Variants in SAP30BP observed in about 807,000 individuals in gnomAD.
SAP30BP encodes SAP30 binding protein.
A neutral mutation model predicts 46.3 loss-of-function variants in SAP30BP; 31 were observed. That is an observed-to-expected ratio of 0.67 (90% CI 0.50 to 0.90). The LOEUF (loss-of-function observed/expected upper bound fraction) is 0.90. Ranked by LOEUF, SAP30BP falls within the 40% of genes least tolerant of loss-of-function variation. The pLI, the probability that SAP30BP is intolerant of heterozygous loss-of-function variation, is 0.00. For synonymous variants in SAP30BP, 169 were observed against 144.2 expected (o/e 1.17, Z -1.23); for missense variants, 312 against 391.0 (o/e 0.80, Z 1.70).
intron 5 of SAP30BP, 31 bp downstream of exon 5, chr17:75,699,902 A>C: frequency 1.4e-6 from 2 of 1,465,494 alleles, no homozygotes; most frequent in Non-Finnish European, 1.9e-6. Flanking sequence ...CTGAGGTCGG[A>C]TAGATTAGAT....
chr17:75,706,408 C>T lies in SAP30BP; in HGVS notation c.814C>T (p.Leu272Phe). ...PVTTIAQPTI[L>F]TTTATLPAVV... is the part of the protein sequence containing the mutation. ...GACAACGATAGCCCAGCCCACCATC[C>T]TCACCACCACAGCCACCCTGCCAGC... is the stretch of plus-strand genomic sequence containing the variant. The change falls in exon 11 of 11, where the codon CTC (leucine) becomes TTC (phenylalanine). Residue 272 changes from leucine to phenylalanine, a missense_variant. Leu to Phe is a conservative substitution (Grantham distance 22). Coordinates refer to ENST00000584667, the MANE Select transcript of SAP30BP (RefSeq NM_013260.8). The surrounding 1 kb of genome is among the most constrained non-coding windows in gnomAD (Gnocchi z 4.6). 1 of 1,614,186 alleles carries T rather than the reference C, an allele frequency of 6.2e-7. No homozygotes were observed. The highest frequency in any genetic ancestry group is 1.1e-5 in the South Asian group (1 of 91,084).
chr17:75,692,548 A>G, intron 3 of SAP30BP: 1 of 980,012 alleles, frequency 1.0e-6, no homozygotes, highest in African/African-American at 1.7e-5. Flanking sequence ...GCCATTTTAC[A>G]CTTGAGACAA....
rs13380843 is a variant in SAP30BP at position 75,704,818 on chromosome 17, A to G, written c.660+4A>G. On this transcript the variant is annotated splice_donor_region_variant and intron_variant, in intron 9 of 10. Coordinates refer to ENST00000584667, the MANE Select transcript of SAP30BP (RefSeq NM_013260.8). Reference sequence around the variant, plus strand: ...GGCCAAAAAGGAGCGAACAAAAGTAAGTGATGGCAGACCTCCTAGATGAAA... The same window carrying G: ...GGCCAAAAAGGAGCGAACAAAAGTAGGTGATGGCAGACCTCCTAGATGAAA... 1 of 1,611,278 alleles carries G rather than the reference A, an allele frequency of 6.2e-7. No individual in the cohort carries two copies. Among genetic ancestry groups the G allele is most frequent in the Non-Finnish European group, 8.5e-7 (1 of 1,177,636 alleles).
In SAP30BP at chr17:75,678,898, A is replaced by G. The variant is rs577253727; in HGVS notation, c.264+7035A>G. Among the ~76,000 whole-genome samples, 321 of 152,246 alleles carry G rather than the reference A, an allele frequency of 2.1e-3. 1 individual carries two copies. Among genetic ancestry groups the G allele is most frequent in the Non-Finnish European group, 3.4e-3 (231 of 68,018 alleles). ...GAATTCCACAGAAGTTTACCTTCAT[A>G]TAACGAAGGACCTTTTGTGATCTCC... is the stretch of plus-strand genomic sequence containing the variant. On this transcript the variant is annotated intron_variant, in intron 3 of 10. Coordinates refer to ENST00000584667, the MANE Select transcript of SAP30BP (RefSeq NM_013260.8).
At chr17:75,688,496 C>T (rs899236924) in intron 3 of SAP30BP, among the ~76,000 whole-genome samples, 2 of 151,932 alleles carry the variant, frequency 1.3e-5, no homozygotes, top group East Asian at 1.9e-4. Context: ...TCTCTGTGCC[C>T]GCTACTCCCG....
At chr17:75,688,280 C>G (rs1004757719) in intron 3 of SAP30BP, among the ~76,000 whole-genome samples, 1 of 152,250 alleles carries the variant, frequency 6.6e-6, no homozygotes, top group African/African-American at 2.4e-5. Flanking sequence ...CTATTGTGCT[C>G]GTGAAGTGAG....
intron 2 of SAP30BP, among the ~76,000 whole-genome samples, chr17:75,669,158 G>T (rs552551284): frequency 2.6e-5 from 4 of 151,744 alleles, no homozygotes; most frequent in Admixed American, 2.6e-4. Flanking sequence ...GTTCACTACA[G>T]TCTTGAACTC....
chr17:75,688,568 G>A (rs1319896983), intron 3 of SAP30BP, among the ~76,000 whole-genome samples: 9 of 152,054 alleles, frequency 5.9e-5, no homozygotes, highest in Admixed American at 2.0e-4. Flanking sequence ...GGCTGCCTTT[G>A]TGGAACTCAA....
chr17:75,689,085 A>G (rs1447023963), intron 3 of SAP30BP, among the ~76,000 whole-genome samples: 6 of 150,562 alleles, frequency 4.0e-5, no homozygotes, highest in Non-Finnish European at 5.9e-5. Flanking sequence ...CGTTTAAACC[A>G]TACTTCCTCT....
At chr17:75,683,200 C>T (rs903826558) in intron 3 of SAP30BP, among the ~76,000 whole-genome samples, 16 of 150,700 alleles carry the variant, frequency 1.1e-4, no homozygotes, top group Admixed American at 2.6e-4. Flanking sequence ...CACACCACCA[C>T]GCCTGGCCAA....
intron 4 of SAP30BP, among the ~76,000 whole-genome samples, chr17:75,693,903 G>A (rs1260378909): frequency 6.6e-6 from 1 of 152,194 alleles, no homozygotes; most frequent in Non-Finnish European, 1.5e-5. Flanking sequence ...CCCCAGGCAG[G>A]AACATGCCTC....
chr17:75,705,636 C>T (rs774117985), intron 9 of SAP30BP: 10 of 1,067,546 alleles, frequency 9.4e-6, no homozygotes, highest in Non-Finnish European at 1.0e-5. Context: ...GTGTCTGCAG[C>T]GCCTGGGGAC....
chr17:75,677,057 A>G (rs920566199), intron 3 of SAP30BP, among the ~76,000 whole-genome samples: 1 of 152,036 alleles, frequency 6.6e-6, no homozygotes, highest in African/African-American at 2.4e-5. Flanking sequence ...TGTATATTCA[A>G]ATGTCAAGAT....
intron 4 of SAP30BP, among the ~76,000 whole-genome samples, chr17:75,698,844 C>T (rs553438854): frequency 6.6e-5 from 10 of 152,340 alleles, no homozygotes; most frequent in African/African-American, 2.4e-4. Flanking sequence ...CCCATCCCCA[C>T]GCCCAGCTGG....
At chr17:75,673,554 A>G (rs1377198185) in intron 3 of SAP30BP, among the ~76,000 whole-genome samples, 2 of 152,190 alleles carry the variant, frequency 1.3e-5, no homozygotes, top group African/African-American at 2.4e-5. Flanking sequence ...GTACAGTTGC[A>G]GCCTTTTCTT....
chr17:75,702,922 C>CT (rs1299403636), intron 6 of SAP30BP: 2 of 309,058 alleles, frequency 6.5e-6, no homozygotes, highest in African/African-American at 2.1e-5. Flanking sequence ...TCTTCCAACT[C>CT]TAAAAAGCTG....
At position 75,706,009 on chromosome 17, in the gene SAP30BP, T is replaced by C; in HGVS notation, c.662T>C (p.Ile221Thr). Residue 221 changes from isoleucine to threonine, a missense_variant and splice_region_variant, in exon 10 of 11, where the codon ATT becomes ACT. This residue lies in a region of SAP30BP where 296 missense variants were observed against 346.6 expected (regional missense o/e 0.85). Transcript: ENST00000584667. This position sits in a 1 kb window ranked among gnomAD's most constrained non-coding sequence, Gnocchi z 4.6. ...ATTCTCTTCCCTCTCCCTCTCCAGATTGAGTTTGTGACGGGCACCAAAAAA... is the reference window on the plus strand; with the variant it reads ...ATTCTCTTCCCTCTCCCTCTCCAGACTGAGTTTGTGACGGGCACCAAAAAA... Reference protein sequence around the residue: ...LEKAKKERTKIEFVTGTKKGT... With the variant: ...LEKAKKERTKTEFVTGTKKGT... 6.2e-7 allele frequency: 1 copy of C among 1,613,152 alleles called. No individual in the cohort carries two copies. The highest frequency in any genetic ancestry group is 8.5e-7 in the Non-Finnish European group (1 of 1,179,856).
At chr17:75,686,994 C>A (rs1365982022) in intron 3 of SAP30BP, among the ~76,000 whole-genome samples, 2 of 152,164 alleles carry the variant, frequency 1.3e-5, no homozygotes, top group African/African-American at 4.8e-5. Flanking sequence ...TCTCAGAAAA[C>A]CTTGTTTTGA....
chr17:75,668,883 A>G (rs984823301), intron 2 of SAP30BP, among the ~76,000 whole-genome samples: 6 of 152,210 alleles, frequency 3.9e-5, no homozygotes, highest in Admixed American at 3.3e-4. Context: ...CCAGATATCA[A>G]TGGGTGTTTT....
Sources: allele counts gnomAD v4.1 joint callset (sites outside exome capture counted in the v4.1 genomes callset), GRCh38; gene constraint gnomAD v4.1.1; regional missense constraint gnomAD v4.1.1; non-coding constraint Gnocchi (gnomAD v3.1); transcripts MANE v1.5; gene names NCBI Gene and HGNC (gene_info 2026-07-23, HGNC 2026-07-21).